LRRC7: variants seen among roughly 807,000 people sequenced by gnomAD.
LRRC7 encodes the protein leucine rich repeat containing 7, also known as leucine-rich repeat-containing protein 7.
In LRRC7, 23 loss-of-function variants were observed where a neutral mutation model predicts 175.7. The ratio of observed to expected loss-of-function variants is 0.13; its 90% CI spans 0.09 to 0.19. LRRC7 has a LOEUF of 0.19. Ranked by LOEUF, LRRC7 falls within the 10% of genes least tolerant of loss-of-function variation. LRRC7 has a pLI of 1.00. For missense variants in LRRC7, 1,354 were observed against 1,904.7 expected (o/e 0.71, Z 5.38); for synonymous variants, 685 against 680.9 (o/e 1.01, Z -0.09).
At chr1:69,927,881 G>A (rs968708993) in intron 7 of LRRC7, among the ~76,000 whole-genome samples, 7 of 152,094 alleles carry the variant, frequency 4.6e-5, no homozygotes, top group Non-Finnish European at 7.4e-5. Flanking sequence ...GAGGAGAGGC[G>A]CTCTGCTTTT....
At chr1:69,643,081 G>C (rs927797685) in intron 1 of LRRC7, among the ~76,000 whole-genome samples, 1 of 152,016 alleles carries the variant, frequency 6.6e-6, no homozygotes, top group Non-Finnish European at 1.5e-5. Context: ...AAATCTGAAG[G>C]CCCAAGAAGC....
intron 2 of LRRC7, among the ~76,000 whole-genome samples, chr1:69,740,055 G>A (rs1337011962): frequency 2.0e-5 from 3 of 152,022 alleles, no homozygotes; most frequent in Non-Finnish European, 4.4e-5. Flanking sequence ...GAGGTTAGAG[G>A]TTCTACTATA....
chr1:69,866,315 C>CA (rs1684943924), intron 7 of LRRC7, among the ~76,000 whole-genome samples: 1 of 152,106 alleles, frequency 6.6e-6, no homozygotes, highest in East Asian at 1.9e-4. Context: ...TGAAAGGAGA[C>CA]AGAGTTGTTG....
At position 70,039,148 on chromosome 1, in the gene LRRC7, G is replaced by C; in HGVS notation, c.3324G>C (p.Leu1108Phe). The C allele has an allele frequency of 6.2e-7, 1 of 1,614,102 alleles. No individual in the cohort carries two copies. ...QQASKNIAKD[L>F]ISPRAYRGYP... ...CCAGCAAAAACATCGCCAAGGATTT[G>C]ATTAGTCCTAGAGCTTACAGAGGAT... is the stretch of plus-strand genomic sequence containing the variant. The change falls in exon 21 of 27, where the codon TTG becomes TTC. Residue 1108 changes from leucine to phenylalanine, a missense_variant. Transcript: ENST00000651989.
chr1:69,934,077 T>A (rs1647686856), intron 8 of LRRC7, among the ~76,000 whole-genome samples: 4 of 152,186 alleles, frequency 2.6e-5, no homozygotes, highest in Admixed American at 2.0e-4. Context: ...AACTGGCTGT[T>A]GTTGTAACAG....
chr1:69,848,536 AC>A (rs1395862395), intron 7 of LRRC7, among the ~76,000 whole-genome samples: 1 of 151,978 alleles, frequency 6.6e-6, no homozygotes, highest in African/African-American at 2.4e-5. Flanking sequence ...TTTATAAAAG[AC>A]CCTTCATGCA....
Position 70,141,937 on chromosome 1 carries a change from G to A in LRRC7, c.*20050G>A, listed in dbSNP as rs1024435985. Reference sequence around the variant, plus strand: ...CAATTGACCTTTTTAATAGCTTAACGAAAGCATTTGACAAATGGACAAAAG... The same window carrying A: ...CAATTGACCTTTTTAATAGCTTAACAAAAGCATTTGACAAATGGACAAAAG... On this transcript the variant is annotated 3_prime_UTR_variant, in exon 27 of 27. Transcript: ENST00000651989. 2 of 152,128 alleles carry A rather than the reference G, an allele frequency of 1.3e-5. No homozygotes were observed. The highest frequency in any genetic ancestry group is 3.4e-3 in the Middle Eastern group (1 of 294). The allele number at this position is 152,128 out of a possible 1,614,324, so 9.4% of individuals were successfully genotyped here. A position where few individuals can be genotyped will look rare whatever the true frequency, so the allele number is the denominator to read the frequency against.
At position 69,962,009 on chromosome 1, in the gene LRRC7, A is replaced by G. The variant is rs867827874; in HGVS notation, c.712-18370A>G. Among the ~76,000 whole-genome samples, 7 of 152,318 alleles carry G rather than the reference A, an allele frequency of 4.6e-5. No homozygotes were observed. In the South Asian group the frequency reaches 6.2e-4, roughly 14 times the overall value. The stretch of plus-strand genomic sequence containing the variant: ...CAAATGGGATCTAATTAAACTAAAG[A>G]GCTTCTGCACAGCAAAAGAAACTAT... On this transcript the variant is annotated intron_variant, in intron 8 of 26. Coordinates refer to ENST00000651989, the MANE Select transcript of LRRC7 (RefSeq NM_001370785.2).
chr1:70,020,977 AC>A (rs1657432260), intron 15 of LRRC7, 27 bp from the exon 16 acceptor site: 2 of 1,567,714 alleles, frequency 1.3e-6, no homozygotes, highest in Non-Finnish European at 8.6e-7. Flanking sequence ...TTTTAAAAAA[AC>A]AATAATACTT....
intron 3 of LRRC7, among the ~76,000 whole-genome samples, chr1:69,786,674 T>A (rs1674481285): frequency 6.6e-6 from 1 of 152,082 alleles, no homozygotes; most frequent in African/African-American, 2.4e-5. Flanking sequence ...ACTCCCCTTT[T>A]TAAAATCATC....
intron 1 of LRRC7, among the ~76,000 whole-genome samples, chr1:69,648,346 G>T (rs1269009215): frequency 6.6e-6 from 1 of 152,056 alleles, no homozygotes; most frequent in African/African-American, 2.4e-5. Context: ...GAGGAACAGG[G>T]AGATCTCCTG....
chr1:70,032,637 T>C (rs1334497995), intron 18 of LRRC7, among the ~76,000 whole-genome samples: 1 of 152,170 alleles, frequency 6.6e-6, no homozygotes, highest in East Asian at 1.9e-4. Context: ...CCAATTTTTT[T>C]CTATAGAGGA....
chr1:69,910,598 TC>T, intron 7 of LRRC7, among the ~76,000 whole-genome samples: 1 of 152,256 alleles, frequency 6.6e-6, no homozygotes, highest in Non-Finnish European at 1.5e-5. Context: ...GTGTGAGGTG[TC>T]AGTCTTCCCC....
At chr1:70,016,717 G>A (rs1021199843) in intron 14 of LRRC7, among the ~76,000 whole-genome samples, 183 bp downstream of exon 14, 2 of 152,134 alleles carry the variant, frequency 1.3e-5, no homozygotes, top group African/African-American at 4.8e-5. Context: ...AAACAGTACT[G>A]TAAGCCCCAC....
Position 70,125,647 on chromosome 1 carries a change from C to T in LRRC7, c.*3760C>T, listed in dbSNP as rs1474757989. On this transcript the variant is annotated 3_prime_UTR_variant, in exon 27 of 27. Coordinates refer to ENST00000651989, the MANE Select transcript of LRRC7 (RefSeq NM_001370785.2). The stretch of plus-strand genomic sequence containing the variant: ...CTCTACTAAAAATACAAAAAATTAG[C>T]CGGGCGTAGTGGCGGGCGCCTGTAG... Among the ~76,000 whole-genome samples, 1 of 150,876 alleles carries T rather than the reference C, an allele frequency of 6.6e-6. No homozygotes were observed. Among genetic ancestry groups the T allele is most frequent in the East Asian group, 1.9e-4 (1 of 5,152 alleles).
intron 1 of LRRC7, among the ~76,000 whole-genome samples, chr1:69,596,545 A>G (rs761676656): frequency 6.6e-6 from 1 of 152,238 alleles, no homozygotes; most frequent in Non-Finnish European, 1.5e-5. Context: ...TGTCGCAGAA[A>G]GAGAACCTGT....
rs937736774 is a variant in LRRC7, at chr1:70,123,986, A to G, written c.*2099A>G. 2.0e-5 allele frequency among the ~76,000 whole-genome samples: 3 copies of G among 152,310 alleles called. No individual in the cohort carries two copies. The South Asian group carries it at 6.2e-4, about 32-fold the overall frequency. ...TTCTTATGGTTTCTATATCAAACCC[A>G]GGGCTTCAGGAGATCCTTCTAAGAC... On this transcript the variant is annotated 3_prime_UTR_variant, in exon 27 of 27. Transcript: ENST00000651989.
At chr1:69,924,392 G>T (rs1021859231) in intron 7 of LRRC7, among the ~76,000 whole-genome samples, 11 of 152,158 alleles carry the variant, frequency 7.2e-5, no homozygotes, top group African/African-American at 2.4e-4. Context: ...ATTACCTTGG[G>T]CAGTATGGGC....
intron 4 of LRRC7, among the ~76,000 whole-genome samples, chr1:69,811,689 A>G (rs964673103): frequency 1.3e-5 from 2 of 152,112 alleles, no homozygotes; most frequent in Admixed American, 6.6e-5. Flanking sequence ...CAAACACCGC[A>G]TATTCTCACT....
Sources: gnomAD v4.1 joint callset for allele counts (sites outside exome capture counted in the v4.1 genomes callset) on GRCh38, gnomAD v4.1.1 for gene constraint, MANE v1.5 for transcripts, NCBI Gene and HGNC (gene_info 2026-07-23, HGNC 2026-07-21) for gene names.